The following CD83 variants were observed in gnomAD, a reference collection of about 807,000 sequenced individuals.
CD83 encodes the protein CD83 antigen.
A neutral mutation model predicts 24.6 loss-of-function variants in CD83; 22 were observed. The ratio of observed to expected loss-of-function variants is 0.90; its 90% CI spans 0.64 to 1.28. The LOEUF (loss-of-function observed/expected upper bound fraction) is 1.28, where lower values mean the gene tolerates loss of function less well. Among genes scored for constraint, CD83 ranks in the 50% most tolerant of loss-of-function variants. The probability of loss-of-function intolerance (pLI) is 0.00; values close to 1 mark genes in which losing one functional copy is unlikely to be tolerated. For synonymous variants in CD83, 101 were observed against 103.5 expected, an observed-to-expected ratio of 0.98 and a Z score of 0.14; for missense variants, 253 against 252.8, an observed-to-expected ratio of 1.00 and a Z score of -0.01.
chr6:14,133,379 G>A (rs1474072836), intron 3 of CD83, among the ~76,000 whole-genome samples: 1 of 152,194 alleles, frequency 6.6e-6, no homozygotes, highest in Admixed American at 6.5e-5. Flanking sequence ...TCTGAGCCTC[G>A]GCTCTTTCAT....
rs535589969 is a variant in CD83 at position 14,132,611 on chromosome 6, A to G, written c.382+863A>G. 5.3e-5 allele frequency among the ~76,000 whole-genome samples: 8 copies of G among 152,302 alleles called. No homozygotes were observed. In the South Asian group the frequency reaches 1.7e-3, roughly 32 times the overall value. ...CGTCTACAACATAGGCTTGTTGTGA[A>G]GGTTAAATGAGAAGTTGCGTTAAAA... is the stretch of plus-strand genomic sequence containing the variant. On this transcript the variant is annotated intron_variant, in intron 3 of 4. Coordinates refer to ENST00000379153, the MANE Select transcript of CD83 (RefSeq NM_004233.4).
upstream of CD83, chr6:14,117,577 G>A (rs1266692475): frequency 1.1e-5 from 2 of 174,822 alleles, no homozygotes; most frequent in African/African-American, 4.9e-5. This position sits in a 1 kb window ranked among gnomAD's most constrained non-coding sequence, Gnocchi z 4.6. Flanking sequence ...ACGCGGCGAG[G>A]GCGGCGGGTG....
intron 2 of CD83, among the ~76,000 whole-genome samples, chr6:14,124,094 C>T (rs1407569402): frequency 1.3e-5 from 2 of 152,180 alleles, no homozygotes; most frequent in East Asian, 3.8e-4. Context: ...CTTTTATACT[C>T]ATAAGCATGT....
chr6:14,131,435 A>T, intron 2 of CD83, 85 bp from the exon 3 acceptor site: 4 of 966,434 alleles, frequency 4.1e-6, no homozygotes, highest in Non-Finnish European at 3.2e-6. Flanking sequence ...TTGAGGCTGG[A>T]TCTTCTGAAA....
chr6:14,133,449 C>T (rs1433985749), intron 3 of CD83, among the ~76,000 whole-genome samples, 200 bp from the exon 4 acceptor site: 3 of 152,180 alleles, frequency 2.0e-5, no homozygotes, highest in Non-Finnish European at 2.9e-5. Context: ...ATGTGAGAGT[C>T]GCATGCAGCC....
At chr6:14,127,041 C>T (rs771021631) in intron 2 of CD83, among the ~76,000 whole-genome samples, 4 of 151,430 alleles carry the variant, frequency 2.6e-5, no homozygotes, top group Admixed American at 6.6e-5. Flanking sequence ...CAGGCTGGAG[C>T]GCAATGGCAC....
chr6:14,126,788 A>G (rs1226622079), intron 2 of CD83, among the ~76,000 whole-genome samples: 1 of 152,178 alleles, frequency 6.6e-6, no homozygotes, highest in East Asian at 1.9e-4. Flanking sequence ...ACCAAGGTAC[A>G]TGAATGTTAG....
chr6:14,130,504 C>T (rs1044465637), intron 2 of CD83, among the ~76,000 whole-genome samples: 8 of 152,226 alleles, frequency 5.3e-5, no homozygotes, highest in South Asian at 2.1e-4. Flanking sequence ...GCGGGCGGAT[C>T]GCTTGAGTCT....
chr6:14,131,621 C>T lies in CD83; in HGVS notation c.255C>T (p.Pro85=), dbSNP rs1757903982. The T allele has an allele frequency of 1.2e-6, 2 of 1,614,084 alleles. No individual in the cohort carries two copies. The highest frequency in any genetic ancestry group is 4.5e-5 in the East Asian group (2 of 44,884). Residue 85 remains proline, a synonymous_variant, in exon 3 of 5, where the codon CCC becomes CCT. Transcript: ENST00000379153. ...QKGQNGSFDA[P]NERPYSLKIR... is the part of the protein sequence containing the mutation. ...GGCAAAATGGTTCTTTCGACGCCCC[C>T]AATGAAAGGCCCTATTCCCTGAAGA...
chr6:14,125,484 G>T (rs935804302), intron 2 of CD83, among the ~76,000 whole-genome samples: 6 of 152,186 alleles, frequency 3.9e-5, no homozygotes, highest in African/African-American at 1.4e-4. Context: ...GGAGAAGGTT[G>T]TGTTTCTCTT....
At chr6:14,123,850 G>A (rs982699545) in intron 2 of CD83, among the ~76,000 whole-genome samples, 2 of 151,394 alleles carry the variant, frequency 1.3e-5, no homozygotes, top group African/African-American at 2.4e-5. Flanking sequence ...TCTTAGCTAC[G>A]TACTTGGCAA....
chr6:14,133,822 T>G, intron 4 of CD83, 67 bp downstream of exon 4: 542 of 1,000,416 alleles, frequency 5.4e-4, no homozygotes, highest in Non-Finnish European at 7.3e-4. Flanking sequence ...CAAGTATCTC[T>G]TGCAGATAGT....
chr6:14,126,579 G>C (rs1339254707), intron 2 of CD83, among the ~76,000 whole-genome samples: 1 of 152,124 alleles, frequency 6.6e-6, no homozygotes, highest in Non-Finnish European at 1.5e-5. Flanking sequence ...CATAAATCCA[G>C]CTCTGTCTGT....
intron 2 of CD83, among the ~76,000 whole-genome samples, chr6:14,118,352 A>ACT (rs3041787): frequency 0.99 from 150,924 of 152,230 alleles, 74,817 homozygotes; most frequent in East Asian, 1. Context: ...AAGGGCAGAG[A>ACT]CTCTCATTTG....
At chr6:14,126,191 T>C (rs6929821) in intron 2 of CD83, among the ~76,000 whole-genome samples, 37,741 of 152,078 alleles carry the variant, frequency 0.25, 4,867 homozygotes, top group Middle Eastern at 0.33. Flanking sequence ...TCTCACTCTT[T>C]CTAAAATTCA....
intron 2 of CD83, among the ~76,000 whole-genome samples, chr6:14,121,271 G>A (rs1287324357): frequency 6.6e-6 from 1 of 151,990 alleles, no homozygotes; most frequent in Non-Finnish European, 1.5e-5. Flanking sequence ...CTGGGCTCGA[G>A]TAATCCTCCC....
upstream of CD83, chr6:14,117,740 G>A (rs1189713995): frequency 2.6e-6 from 3 of 1,132,094 alleles, no homozygotes; most frequent in Admixed American, 4.1e-5. The surrounding 1 kb of genome is among the most constrained non-coding windows in gnomAD (Gnocchi z 4.6). Context: ...CCGAACGCGC[G>A]GGCATAAAAG....
chr6:14,132,440 G>A (rs776644015), intron 3 of CD83, among the ~76,000 whole-genome samples: 3 of 152,142 alleles, frequency 2.0e-5, no homozygotes, highest in Non-Finnish European at 4.4e-5. Context: ...CTTCCATGGC[G>A]ATATTGCCTA....
At chr6:14,123,071 A>G (rs1168413224) in intron 2 of CD83, among the ~76,000 whole-genome samples, 1 of 152,054 alleles carries the variant, frequency 6.6e-6, no homozygotes, top group African/African-American at 2.4e-5. Flanking sequence ...GGAGCCATTG[A>G]AGGATTTTTT....
Sources: allele counts gnomAD v4.1 joint callset (sites outside exome capture counted in the v4.1 genomes callset), GRCh38; gene constraint gnomAD v4.1.1; non-coding constraint Gnocchi (gnomAD v3.1); transcripts MANE v1.5; gene names NCBI Gene and HGNC (gene_info 2026-07-23, HGNC 2026-07-21).